FAT3: variants seen among roughly 807,000 people sequenced by gnomAD.
The protein encoded by FAT3 is FAT atypical cadherin 3, also known as protocadherin Fat 3.
A neutral mutation model predicts 310.2 loss-of-function variants in FAT3; 95 were observed. That is an observed-to-expected ratio of 0.31 (90% CI 0.26 to 0.36). The LOEUF is 0.36. Among genes scored for constraint, FAT3 ranks in the 10% least tolerant of loss-of-function variants. The pLI is 1.00. For missense variants in FAT3, 5,408 were observed against 5,715.6 expected, an observed-to-expected ratio of 0.95 and a Z score of 1.74; for synonymous variants, 2,314 against 2,192.9, an observed-to-expected ratio of 1.06 and a Z score of -1.54.
intron 3 of FAT3, among the ~76,000 whole-genome samples, chr11:92,621,605 A>G (rs759135955): frequency 6.6e-6 from 1 of 152,218 alleles, no homozygotes; most frequent in Non-Finnish European, 1.5e-5. Context: ...TCCACAGCAC[A>G]TGCAGCTCAT....
At chr11:92,250,346 G>A (rs920518667) in intron 1 of FAT3, among the ~76,000 whole-genome samples, 16 of 152,058 alleles carry the variant, frequency 1.1e-4, no homozygotes, top group Non-Finnish European at 1.9e-4. Context: ...TGAAGGGAGA[G>A]TATTCTAATT....
At chr11:92,313,152 CA>C (rs1030243218) in intron 1 of FAT3, among the ~76,000 whole-genome samples, 76 of 152,250 alleles carry the variant, frequency 5.0e-4, no homozygotes, top group African/African-American at 1.8e-3. Context: ...AAGCATAAAA[CA>C]AATGCTGTAT....
intron 1 of FAT3, among the ~76,000 whole-genome samples, chr11:92,237,159 A>G (rs1021835071): frequency 1.3e-5 from 2 of 152,200 alleles, no homozygotes; most frequent in African/African-American, 4.8e-5. Context: ...TTGTTATGCA[A>G]AAGAAAAAAT....
At chr11:92,374,030 G>GGGGAGAGA (rs149616749) in intron 2 of FAT3, among the ~76,000 whole-genome samples, 2 of 142,236 alleles carry the variant, frequency 1.4e-5, no homozygotes, top group African/African-American at 2.7e-5. Flanking sequence ...ACAGAGAGAG[G>GGGGAGAGA]GAGAGAGAGA....
intron 2 of FAT3, among the ~76,000 whole-genome samples, chr11:92,450,739 C>G (rs1951333802): frequency 6.6e-6 from 1 of 152,154 alleles, no homozygotes; most frequent in African/African-American, 2.4e-5. Flanking sequence ...CTAAAATAGC[C>G]TTTGCCTTTG....
At chr11:92,348,021 A>C (rs1279088553) in intron 1 of FAT3, among the ~76,000 whole-genome samples, 1 of 152,170 alleles carries the variant, frequency 6.6e-6, no homozygotes, top group Non-Finnish European at 1.5e-5. Context: ...GACAAAATTC[A>C]ATTCTATTAT....
intron 24 of FAT3, among the ~76,000 whole-genome samples, chr11:92,885,952 T>A (rs1448531086): frequency 6.6e-6 from 1 of 152,208 alleles, no homozygotes; most frequent in African/African-American, 2.4e-5. Flanking sequence ...CCACCATGCC[T>A]GTTCCTGACA....
intron 4 of FAT3, among the ~76,000 whole-genome samples, chr11:92,750,525 A>C (rs1423179956): frequency 1.3e-5 from 2 of 152,220 alleles, no homozygotes; most frequent in African/African-American, 4.8e-5. Flanking sequence ...ATGGCTGAGG[A>C]AAGCAGAAAC....
intron 1 of FAT3, chr11:92,336,140 G>A (rs1340987078): frequency 7.4e-6 from 4 of 542,078 alleles, no homozygotes; most frequent in East Asian, 4.9e-5. Flanking sequence ...CAGCTCTGCA[G>A]TGGGCCCACT....
At chr11:92,806,279 A>T in intron 11 of FAT3, 83 bp from the exon 12 acceptor site, 2 of 1,232,122 alleles carry the variant, frequency 1.6e-6, no homozygotes, top group Non-Finnish European at 2.2e-6. Flanking sequence ...ATGAATTTTT[A>T]AAGAAATCCT....
chr11:92,568,618 T>C (rs1955560887), intron 3 of FAT3, among the ~76,000 whole-genome samples: 1 of 152,130 alleles, frequency 6.6e-6, no homozygotes, highest in African/African-American at 2.4e-5. Context: ...TGAATGTCAT[T>C]CCATTGCTAA....
At chr11:92,724,108 T>G (rs1217111780) in intron 4 of FAT3, among the ~76,000 whole-genome samples, 1 of 152,182 alleles carries the variant, frequency 6.6e-6, no homozygotes, top group African/African-American at 2.4e-5. Flanking sequence ...GTTGTGTTGT[T>G]CTTGTCTGAG....
At chr11:92,424,905 C>T (rs1487853488) in intron 2 of FAT3, among the ~76,000 whole-genome samples, 1 of 151,800 alleles carries the variant, frequency 6.6e-6, no homozygotes, top group Non-Finnish European at 1.5e-5. Context: ...TTAGCATTTC[C>T]TTCCCCTCTC....
At chr11:92,888,255 G>A (rs929501833) in intron 25 of FAT3, among the ~76,000 whole-genome samples, 2 of 152,154 alleles carry the variant, frequency 1.3e-5, no homozygotes, top group African/African-American at 4.8e-5. Context: ...ATTATCGGAA[G>A]GTCAAAGACA....
chr11:92,514,643 G>A (rs917937549), intron 2 of FAT3, among the ~76,000 whole-genome samples: 7 of 152,056 alleles, frequency 4.6e-5, no homozygotes, highest in Admixed American at 1.3e-4. Context: ...ATGCACTTAT[G>A]AATGGACAGA....
At chr11:92,615,772 TGTA>T (rs1940773849) in intron 3 of FAT3, among the ~76,000 whole-genome samples, 2 of 152,246 alleles carry the variant, frequency 1.3e-5, no homozygotes, top group Non-Finnish European at 2.9e-5. Context: ...TCAGTTTCCA[TGTA>T]GTTGAGTGGT....
chr11:92,764,204 C>A (rs563787476), intron 5 of FAT3, among the ~76,000 whole-genome samples: 2 of 152,152 alleles, frequency 1.3e-5, no homozygotes, highest in East Asian at 3.9e-4. Context: ...TTAGCCCTGT[C>A]TTCCCTTCCA....
chr11:92,265,682 A>G (rs1450539063), intron 1 of FAT3, among the ~76,000 whole-genome samples: 1 of 152,092 alleles, frequency 6.6e-6, no homozygotes, highest in Non-Finnish European at 1.5e-5. Flanking sequence ...AGGCACTGGC[A>G]GATTCGTTAT....
rs1042136992 is a variant in FAT3, at chr11:92,826,452, A to G, written c.9482-5170A>G. ...TTAGATAGCCTGCAGCATGGGATTG[A>G]GAAACTAACTGCAACAGGACAAGAA... On this transcript the variant is annotated intron_variant, in intron 13 of 27. Transcript: ENST00000525166. Among the ~76,000 whole-genome samples the G allele has an allele frequency of 9.8e-5, 15 of 152,298 alleles. No individual in the cohort carries two copies. The East Asian group carries it at 2.7e-3, about 27-fold the overall frequency.
Sources: gnomAD v4.1 joint callset for allele counts (sites outside exome capture counted in the v4.1 genomes callset) on GRCh38, gnomAD v4.1.1 for gene constraint, MANE v1.5 for transcripts, NCBI Gene and HGNC (gene_info 2026-07-23, HGNC 2026-07-21) for gene names.